Variants in RASEF observed in about 807,000 individuals in gnomAD.
RASEF encodes the protein RAS and EF-hand domain containing.
RASEF carries 68 observed loss-of-function variants against 90.1 expected under a neutral mutation model. The observed-to-expected ratio is 0.75, with a 90% CI of 0.62 to 0.92. The LOEUF (loss-of-function observed/expected upper bound fraction) is 0.92. RASEF is among the 40% of genes least tolerant of loss of function. The pLI is 0.00. For missense variants in RASEF, 949 were observed against 937.2 expected (o/e 1.01, Z -0.16); for synonymous variants, 331 against 345.2 (o/e 0.96, Z 0.46).
At chr9:83,199,651 C>T in the RASEF span, among the ~76,000 whole-genome samples, 1 of 152,158 alleles carries the variant, frequency 6.6e-6, no homozygotes, top group Non-Finnish European at 1.5e-5. Context: ...AAGAGGCTGA[C>T]ACTGTATTGA....
chr9:83,101,664 C>T, the RASEF span, among the ~76,000 whole-genome samples: 12 of 152,258 alleles, frequency 7.9e-5, no homozygotes, highest in East Asian at 1.9e-4. Context: ...CGTTGATTCT[C>T]GTTATTCACT....
chr9:83,033,701 A>G (rs946511855), intron 1 of RASEF, among the ~76,000 whole-genome samples: 2 of 152,244 alleles, frequency 1.3e-5, no homozygotes, highest in Non-Finnish European at 2.9e-5. Context: ...AGATTTTGAA[A>G]TAAATGTGCA....
At chr9:83,197,284 C>T in the RASEF span, among the ~76,000 whole-genome samples, 1 of 152,152 alleles carries the variant, frequency 6.6e-6, no homozygotes, top group Non-Finnish European at 1.5e-5. Flanking sequence ...CCAGACACTC[C>T]CTCCTTCCTC....
upstream of RASEF, among the ~76,000 whole-genome samples, chr9:83,067,957 C>T (rs1489685614): frequency 6.6e-6 from 1 of 152,144 alleles, no homozygotes; most frequent in African/African-American, 2.4e-5. Flanking sequence ...CTCACTGCAG[C>T]CTCAACCTCC....
At chr9:83,161,587 T>G in the RASEF span, among the ~76,000 whole-genome samples, 1 of 152,070 alleles carries the variant, frequency 6.6e-6, no homozygotes, top group African/African-American at 2.4e-5. Context: ...GACTGTGGAC[T>G]TTTGAGTTAA....
intron 9 of RASEF, among the ~76,000 whole-genome samples, chr9:83,003,156 T>C (rs529777890): frequency 4.8e-4 from 73 of 152,316 alleles, no homozygotes; most frequent in African/African-American, 1.7e-3. Flanking sequence ...CATGCTTTTA[T>C]TACATTTTTA....
chr9:83,009,113 T>C (rs1829191722), intron 6 of RASEF, among the ~76,000 whole-genome samples: 2 of 151,546 alleles, frequency 1.3e-5, no homozygotes, highest in Non-Finnish European at 2.9e-5. Context: ...TTCCCAAGTG[T>C]ACATGTCCTA....
the RASEF span, among the ~76,000 whole-genome samples, chr9:83,218,969 G>A: frequency 6.6e-6 from 1 of 152,094 alleles, no homozygotes; most frequent in Non-Finnish European, 1.5e-5. Context: ...CCGGGCAGTC[G>A]GTGAGTCTGT....
chr9:82,994,251 G>A (rs1828866067), intron 14 of RASEF, among the ~76,000 whole-genome samples: 1 of 152,164 alleles, frequency 6.6e-6, no homozygotes, highest in Non-Finnish European at 1.5e-5. Context: ...CGTTAATTGT[G>A]TTCTTTGATG....
At chr9:82,992,776 C>A in intron 15 of RASEF, 130 bp downstream of exon 15, 1 of 890,476 alleles carries the variant, frequency 1.1e-6, no homozygotes. Flanking sequence ...GTGTTAAGGA[C>A]AGATGCCTCA....
At chr9:82,991,475 G>T (rs142270524) in intron 15 of RASEF, among the ~76,000 whole-genome samples, 225 of 152,268 alleles carry the variant, frequency 1.5e-3, no homozygotes, top group African/African-American at 5.3e-3. Context: ...ACTAAGTGTT[G>T]TGGGCCTAGG....
At chr9:83,130,815 A>G in the RASEF span, among the ~76,000 whole-genome samples, 1 of 152,234 alleles carries the variant, frequency 6.6e-6, no homozygotes, top group South Asian at 2.1e-4. Flanking sequence ...AAGTGCTACA[A>G]AACACTGACA....
chr9:83,026,578 G>A (rs772208217), intron 1 of RASEF, among the ~76,000 whole-genome samples: 2 of 151,948 alleles, frequency 1.3e-5, no homozygotes, highest in Non-Finnish European at 2.9e-5. Flanking sequence ...GGGGGAAACC[G>A]CCCACATGAT....
At chr9:83,211,318 C>A in the RASEF span, among the ~76,000 whole-genome samples, 1 of 151,916 alleles carries the variant, frequency 6.6e-6, no homozygotes, top group Non-Finnish European at 1.5e-5. Context: ...CATTTTTTAA[C>A]CATGTAGAAT....
chr9:83,010,523 A>T (rs900263269), intron 5 of RASEF, among the ~76,000 whole-genome samples: 2 of 152,188 alleles, frequency 1.3e-5, no homozygotes, highest in African/African-American at 4.8e-5. Flanking sequence ...GAAGGAGACA[A>T]GTGACCGGGC....
chr9:83,194,367 C>T, the RASEF span, among the ~76,000 whole-genome samples: 69 of 152,258 alleles, frequency 4.5e-4, no homozygotes, highest in African/African-American at 5.1e-4. Context: ...TTGTCTAATG[C>T]TTTCTGCATG....
At chr9:83,098,606 A>G in the RASEF span, among the ~76,000 whole-genome samples, 1 of 152,196 alleles carries the variant, frequency 6.6e-6, no homozygotes, top group African/African-American at 2.4e-5. Context: ...TGATAAAGGC[A>G]TACCCAAGAC....
chr9:83,057,482 A>G (rs1830121924), intron 1 of RASEF, among the ~76,000 whole-genome samples: 1 of 152,234 alleles, frequency 6.6e-6, no homozygotes, highest in Non-Finnish European at 1.5e-5. Context: ...ATTAAAGAGA[A>G]AAAGCAAAAA....
intron 2 of RASEF, 28 bp downstream of exon 2, chr9:83,025,747 G>A: frequency 3.1e-6 from 5 of 1,607,674 alleles, no homozygotes; most frequent in Non-Finnish European, 4.2e-6. Context: ...GCACCCACAG[G>A]CCACTTATAA....
Sources: allele counts gnomAD v4.1 joint callset (sites outside exome capture counted in the v4.1 genomes callset), GRCh38; gene constraint gnomAD v4.1.1; transcripts MANE v1.5; gene names NCBI Gene and HGNC (gene_info 2026-07-23, HGNC 2026-07-21).